The following TMPRSS3 variants were observed in gnomAD, a reference collection of about 807,000 sequenced individuals.
The protein encoded by TMPRSS3 is transmembrane protease serine 3.
A neutral mutation model predicts 59.6 loss-of-function variants in TMPRSS3; 55 were observed. The ratio of observed to expected loss-of-function variants is 0.92; its 90% CI spans 0.74 to 1.16. The LOEUF is 1.16. Among genes scored for constraint, TMPRSS3 ranks in the 50% most tolerant of loss-of-function variants. TMPRSS3 has a pLI of 0.00. For synonymous variants in TMPRSS3, 257 were observed against 237.7 expected, an observed-to-expected ratio of 1.08 and a Z score of -0.75; for missense variants, 596 against 579.4, an observed-to-expected ratio of 1.03 and a Z score of -0.29.
intron 2 of TMPRSS3, among the ~76,000 whole-genome samples, 182 bp downstream of exon 2, chr21:42,395,142 C>T (rs1029877818): frequency 6.6e-6 from 1 of 152,168 alleles, no homozygotes; most frequent in Non-Finnish European, 1.5e-5. Flanking sequence ...CTTAACGAAA[C>T]GATCCCCTCT....
chr21:42,372,308 C>T lies in TMPRSS3; in HGVS notation c.*454G>A, dbSNP rs2052348398. On this transcript the variant is annotated 3_prime_UTR_variant, in exon 13 of 13. Coordinates refer to ENST00000644384, the MANE Select transcript of TMPRSS3 (RefSeq NM_001256317.3). ...GGCGTGGTGGCCCATGCCTGTAATC[C>T]CAGCACTGTGGGAGGCTGAAGCAGG... The T allele has an allele frequency of 4.4e-6, 2 of 455,106 alleles. No individual in the cohort carries two copies. Among genetic ancestry groups the T allele is most frequent in the Non-Finnish European group, 4.4e-6 (1 of 227,436 alleles). The allele number at this position is 455,106 out of a possible 1,614,324, so 28.2% of individuals were successfully genotyped here.
Position 42,388,515 on chromosome 21 carries a change from C to T in TMPRSS3, c.334G>A (p.Gly112Ser). The T allele has an allele frequency of 1.2e-6, 2 of 1,614,204 alleles. No individual in the cohort carries two copies. Among genetic ancestry groups the T allele is most frequent in the Non-Finnish European group, 1.7e-6 (2 of 1,180,050 alleles). Reference sequence around the variant, plus strand: ...AACACCTGGAGCACGGCATTCTGACCACCCACCCGGACTGGCCGATGTGCA... The same window carrying T: ...AACACCTGGAGCACGGCATTCTGACTACCCACCCGGACTGGCCGATGTGCA... ...EDEYRCVRVG[G>S]QNAVLQVFTA... Residue 112 changes from glycine to serine, a missense_variant, in exon 5 of 13, where the codon GGT becomes AGT. Physicochemically the swap from Gly to Ser is moderately conservative, Grantham distance 56. Coordinates refer to ENST00000644384, the MANE Select transcript of TMPRSS3 (RefSeq NM_001256317.3). The surrounding 1 kb of genome is among the most constrained non-coding windows in gnomAD (Gnocchi z 5.1).
Position 42,372,141 on chromosome 21 carries a change from G to C in TMPRSS3, c.*621C>G. The C allele has an allele frequency of 2.2e-6, 1 of 454,066 alleles. No individual in the cohort carries two copies. Among genetic ancestry groups the C allele is most frequent in the Non-Finnish European group, 4.4e-6 (1 of 226,624 alleles). 28.1% of individuals were successfully genotyped at this position (454,066 alleles called of 1,614,324 possible). A position where few individuals can be genotyped will look rare whatever the true frequency, so the allele number is the denominator to read the frequency against. On this transcript the variant is annotated 3_prime_UTR_variant, in exon 13 of 13. Coordinates refer to ENST00000644384, the MANE Select transcript of TMPRSS3 (RefSeq NM_001256317.3). ...TGAGTGGCTGTTGGTGGCTTTGCAC[G>C]TGAGGTCACATAACTGCTTATCTCG...
chr21:42,383,633 T>C, intron 7 of TMPRSS3: 2 of 547,922 alleles, frequency 3.7e-6, no homozygotes, highest in Non-Finnish European at 6.8e-6. Context: ...CGAGGGGCAC[T>C]GCCCGAGGCC....
At chr21:42,389,890 G>A (rs772233871) in intron 3 of TMPRSS3, 37 bp downstream of exon 3, 1 of 1,479,742 alleles carries the variant, frequency 6.8e-7, no homozygotes, top group East Asian at 2.3e-5. Flanking sequence ...ACTTGGCTAG[G>A]TATTTGAGAT....
intron 6 of TMPRSS3, among the ~76,000 whole-genome samples, chr21:42,385,081 T>TTC (rs2052611116): frequency 2.5e-5 from 1 of 40,590 alleles, no homozygotes; most frequent in African/African-American, 3.1e-4. Context: ...CCCTTCCTCT[T>TTC]TTCCTCCCCA....
Position 42,385,672 on chromosome 21 carries a change from C to G in TMPRSS3, c.447-138G>C, listed in dbSNP as rs190574965. The stretch of plus-strand genomic sequence containing the variant: ...TCCCCCCAAACCCATCAAAGGCTTC[C>G]TTTGCCAAGAGAATGAAGTTCACTC... On this transcript the variant is annotated intron_variant, in intron 5 of 12. Coordinates refer to ENST00000644384, the MANE Select transcript of TMPRSS3 (RefSeq NM_001256317.3). The G allele has an allele frequency of 2.3e-5, 26 of 1,151,996 alleles. No homozygotes were observed. The East Asian group carries it at 5.8e-4, about 26-fold the overall frequency. 71.4% of individuals were successfully genotyped at this position (1,151,996 alleles called of 1,614,324 possible). A position where few individuals can be genotyped will look rare whatever the true frequency, so the allele number is the denominator to read the frequency against.
At chr21:42,383,224 G>A (rs759526100) in intron 7 of TMPRSS3, 26 bp from the exon 8 acceptor site, 222 of 1,613,312 alleles carry the variant, frequency 1.4e-4, no homozygotes, top group Non-Finnish European at 1.7e-4. Context: ...AAGGCTTGTG[G>A]GTCCACCCTG....
Position 42,375,722 on chromosome 21 carries a change from C to G in TMPRSS3, c.1338G>C (p.Gln446His). ...GGGAGGGCGCCGCACCCACCTCCAT[C>G]TGCTCGTGGATCCAGTCCAGGAAGG... ...VTSFLDWIHE[Q>H]MERDLKT Residue 446 changes from glutamine to histidine, a missense_variant, in exon 12 of 13, where the codon CAG becomes CAC. Gln to His is a conservative substitution (Grantham distance 24). Transcript: ENST00000644384. 6.2e-7 allele frequency: 1 copy of G among 1,613,806 alleles called. No homozygotes were observed. Among genetic ancestry groups the G allele is most frequent in the Non-Finnish European group, 8.5e-7 (1 of 1,180,018 alleles).
At chr21:42,373,868 C>T (rs1446741161) in intron 12 of TMPRSS3, among the ~76,000 whole-genome samples, 4 of 152,148 alleles carry the variant, frequency 2.6e-5, no homozygotes, top group African/African-American at 9.7e-5. Flanking sequence ...TGATTTTGAA[C>T]GTTTGTCTCC....
chr21:42,379,137 C>T (rs144210133), intron 10 of TMPRSS3, among the ~76,000 whole-genome samples: 1,752 of 151,972 alleles, frequency 0.012, 43 homozygotes, highest in African/African-American at 0.04. Flanking sequence ...CCACTTGCCT[C>T]GGCCTCCCAA....
At chr21:42,376,843 G>A (rs1305940196) in intron 10 of TMPRSS3, among the ~76,000 whole-genome samples, 160 bp from the exon 11 acceptor site, 1 of 152,146 alleles carries the variant, frequency 6.6e-6, no homozygotes, top group Non-Finnish European at 1.5e-5. Context: ...CGGGTGGGAC[G>A]AGCAGACTCC....
intron 9 of TMPRSS3, among the ~76,000 whole-genome samples, chr21:42,381,413 T>C (rs1403455720): frequency 5.3e-5 from 8 of 152,216 alleles, no homozygotes; most frequent in African/African-American, 1.9e-4. Flanking sequence ...CTGGCCAGCC[T>C]GGGAGGTTCT....
intron 2 of TMPRSS3, among the ~76,000 whole-genome samples, chr21:42,393,591 C>T (rs768389677): frequency 6.6e-6 from 1 of 151,938 alleles, no homozygotes; most frequent in African/African-American, 2.4e-5. Context: ...CAAAAAAGAA[C>T]GGGTGAAATA....
chr21:42,395,158 G>A (rs754892172), intron 2 of TMPRSS3, among the ~76,000 whole-genome samples, 166 bp downstream of exon 2: 34 of 152,156 alleles, frequency 2.2e-4, no homozygotes, highest in Non-Finnish European at 4.0e-4. Flanking sequence ...CCTCTCCAAT[G>A]CCCCTTCTCC....
At chr21:42,382,429 G>A in intron 8 of TMPRSS3, 195 bp from the exon 9 acceptor site, 1 of 622,156 alleles carries the variant, frequency 1.6e-6, no homozygotes, top group East Asian at 2.9e-5. Context: ...CACACCCCAT[G>A]TGTTTCCCAG....
chr21:42,380,251 GCA>G, intron 9 of TMPRSS3, 39 bp from the exon 10 acceptor site: 1 of 1,534,426 alleles, frequency 6.5e-7, no homozygotes, highest in Non-Finnish European at 9.0e-7. Flanking sequence ...CTCAATTGAA[GCA>G]GGAGTCCGAG....
chr21:42,390,081 C>A (rs2052710077), intron 2 of TMPRSS3, 44 bp from the exon 3 acceptor site: 1 of 1,398,196 alleles, frequency 7.2e-7, no homozygotes, highest in East Asian at 2.3e-5. Context: ...CAGAACCTGA[C>A]TTGGAGTGCC....
Position 42,388,439 on chromosome 21 carries a change from TA to T in TMPRSS3, c.409del (p.Tyr137ThrfsTer15). 1 of 1,614,260 alleles carries T rather than the reference TA, an allele frequency of 6.2e-7. No homozygotes were observed. Among genetic ancestry groups the T allele is most frequent in the Non-Finnish European group, 8.5e-7 (1 of 1,180,046 alleles). On this transcript the variant is annotated frameshift_variant, in exon 5 of 13. Transcript: ENST00000644384. LOFTEE classifies it high-confidence loss of function. This position sits in a 1 kb window ranked among gnomAD's most constrained non-coding sequence, Gnocchi z 5.1. The part of the protein sequence containing the change: ...TMCSDDWKGH[Y>X]ANVACAQLGF... ...CAGTTGGGCACAGGCAACATTTGCG[TA>T]GTGACCCTTCCAGTCATCGGAGCAC...
Sources: allele counts gnomAD v4.1 joint callset (sites outside exome capture counted in the v4.1 genomes callset), GRCh38; gene constraint gnomAD v4.1.1; non-coding constraint Gnocchi (gnomAD v3.1); transcripts MANE v1.5; gene names NCBI Gene and HGNC (gene_info 2026-07-23, HGNC 2026-07-21).